The following RFTN1 variants were observed in gnomAD, a reference collection of about 807,000 sequenced individuals.
RFTN1 encodes the protein raftlin, lipid raft linker 1, also known as raftlin.
A neutral mutation model predicts 46.5 loss-of-function variants in RFTN1; 26 were observed. The observed-to-expected ratio is 0.56, with a 90% CI of 0.41 to 0.78. RFTN1 has a LOEUF of 0.78. Ranked by LOEUF, RFTN1 falls within the 30% of genes least tolerant of loss-of-function variation. The pLI, the probability that RFTN1 is intolerant of heterozygous loss-of-function variation, is 0.00. For synonymous variants in RFTN1, 261 were observed against 284.2 expected, an observed-to-expected ratio of 0.92 and a Z score of 0.82; for missense variants, 693 against 718.7, an observed-to-expected ratio of 0.96 and a Z score of 0.41.
rs760752422 is a variant in RFTN1, at chr3:16,412,151, T to C, written c.333-2668A>G. Among the ~76,000 whole-genome samples, 6 of 152,094 alleles carry C rather than the reference T, an allele frequency of 3.9e-5. No homozygotes were observed. The South Asian group carries it at 6.2e-4, about 16-fold the overall frequency. On this transcript the variant is annotated intron_variant, in intron 3 of 9. Coordinates refer to ENST00000334133, the MANE Select transcript of RFTN1 (RefSeq NM_015150.2). ...AATTTTTTAGATGAACCATGGAAAA[T>C]TACATCTCAGCCTATGGTTTCTTGG...
intron 2 of RFTN1, among the ~76,000 whole-genome samples, chr3:16,485,489 C>T (rs1372006420): frequency 6.6e-6 from 1 of 152,156 alleles, no homozygotes; most frequent in Non-Finnish European, 1.5e-5. Flanking sequence ...TCCATACATA[C>T]AACAGCACAG....
rs1475899986 is a variant in RFTN1 at position 16,500,614 on chromosome 3, C to T, written c.-8-6737G>A. Among the ~76,000 whole-genome samples, 1 of 152,150 alleles carries T rather than the reference C, an allele frequency of 6.6e-6. No homozygotes were observed. Among genetic ancestry groups the T allele is most frequent in the African/African-American group, 2.4e-5 (1 of 41,432 alleles). ...CGAACTGCAAGAAGAAGATGACAGA[C>T]ATTGCAAATGATCTGGAAACAAAGA... is the stretch of plus-strand genomic sequence containing the variant. On this transcript the variant is annotated intron_variant, in intron 1 of 9. Coordinates refer to ENST00000334133, the MANE Select transcript of RFTN1 (RefSeq NM_015150.2). This position sits in a 1 kb window ranked among gnomAD's most constrained non-coding sequence, Gnocchi z 5.9.
rs912313599 is a variant in RFTN1 at position 16,341,403 on chromosome 3, A to G, written c.1147-14527T>C. ...TAATTGCTAAAACTTGGAAGCAACCAAGATGCCCTTCAGTAACTGACAGAG... is the reference window on the plus strand; with the variant it reads ...TAATTGCTAAAACTTGGAAGCAACCGAGATGCCCTTCAGTAACTGACAGAG... On this transcript the variant is annotated intron_variant, in intron 7 of 9. Transcript: ENST00000334133. This position sits in a 1 kb window ranked among gnomAD's most constrained non-coding sequence, Gnocchi z 4.7. 2.0e-5 allele frequency among the ~76,000 whole-genome samples: 3 copies of G among 152,250 alleles called. No individual in the cohort carries two copies. The highest frequency in any genetic ancestry group is 7.2e-5 in the African/African-American group (3 of 41,460).
chr3:16,387,191 A>G lies in RFTN1; in HGVS notation c.442-9089T>C, dbSNP rs1036421387. 6.6e-6 allele frequency among the ~76,000 whole-genome samples: 1 copy of G among 152,098 alleles called. No individual in the cohort carries two copies. The highest frequency in any genetic ancestry group is 2.4e-5 in the African/African-American group (1 of 41,398). ...TTTCTCTGTCTGACACATCCCACAA[A>G]TGTCGCATCCATCCAGTCCACCCAG... On this transcript the variant is annotated intron_variant, in intron 4 of 9. Coordinates refer to ENST00000334133, the MANE Select transcript of RFTN1 (RefSeq NM_015150.2). The surrounding 1 kb of genome is among the most constrained non-coding windows in gnomAD (Gnocchi z 5.2).
chr3:16,318,021 C>T (rs9817725), intron 9 of RFTN1, among the ~76,000 whole-genome samples: 35,816 of 152,114 alleles, frequency 0.24, 5,903 homozygotes, highest in African/African-American at 0.48. Flanking sequence ...TCTCAGAGGC[C>T]GCTTCCCGGG....
rs2076815080 is a variant in RFTN1 at position 16,506,828 on chromosome 3, A to G, written c.-9+6614T>C. Among the ~76,000 whole-genome samples, 1 of 152,174 alleles carries G rather than the reference A, an allele frequency of 6.6e-6. No individual in the cohort carries two copies. Among genetic ancestry groups the G allele is most frequent in the Non-Finnish European group, 1.5e-5 (1 of 68,030 alleles). ...TTCATCCCCAACAGCAGCTATTCCA[A>G]TGCCCTGCCCATAACAGATGCACAA... On this transcript the variant is annotated intron_variant, in intron 1 of 9. Coordinates refer to ENST00000334133, the MANE Select transcript of RFTN1 (RefSeq NM_015150.2). This position sits in a 1 kb window ranked among gnomAD's most constrained non-coding sequence, Gnocchi z 4.8.
chr3:16,340,071 T>C (rs1050213480), intron 7 of RFTN1, among the ~76,000 whole-genome samples: 4 of 152,258 alleles, frequency 2.6e-5, no homozygotes, highest in African/African-American at 9.6e-5. Context: ...GACACAGTCA[T>C]GTACTGGCCA....
chr3:16,479,124 G>A lies in RFTN1; in HGVS notation c.145+14601C>T, dbSNP rs191760360. Among the ~76,000 whole-genome samples the A allele has an allele frequency of 2.5e-3, 374 of 152,142 alleles. 2 individuals are homozygous for A. The highest frequency in any genetic ancestry group is 8.6e-3 in the African/African-American group (357 of 41,498). Reference sequence around the variant, plus strand: ...TTGAGTTAAAGTTGCTTTTTCATTAGGTAACTTGGCTCCCAAACCCAAGCA... The same window carrying A: ...TTGAGTTAAAGTTGCTTTTTCATTAAGTAACTTGGCTCCCAAACCCAAGCA... On this transcript the variant is annotated intron_variant, in intron 2 of 9. Transcript: ENST00000334133. This position sits in a 1 kb window ranked among gnomAD's most constrained non-coding sequence, Gnocchi z 5.1.
At position 16,382,702 on chromosome 3, in the gene RFTN1, G is replaced by A. The variant is rs761725104; in HGVS notation, c.442-4600C>T. ...CTGGAATCACAGTATCTTCTTCCCT[G>A]TTTCTAATCCTGTGTGTCTGTTCAC... On this transcript the variant is annotated intron_variant, in intron 4 of 9. Coordinates refer to ENST00000334133, the MANE Select transcript of RFTN1 (RefSeq NM_015150.2). This position sits in a 1 kb window ranked among gnomAD's most constrained non-coding sequence, Gnocchi z 4.7. Among the ~76,000 whole-genome samples the A allele has an allele frequency of 3.3e-5, 5 of 152,140 alleles. No individual in the cohort carries two copies. Among genetic ancestry groups the A allele is most frequent in the Non-Finnish European group, 7.3e-5 (5 of 68,028 alleles).
At chr3:16,397,460 T>C (rs185496081) in intron 4 of RFTN1, among the ~76,000 whole-genome samples, 2 of 152,298 alleles carry the variant, frequency 1.3e-5, no homozygotes, top group Non-Finnish European at 2.9e-5. Context: ...TTTTATTGTA[T>C]ACTGGAAATT....
rs2069722557 is a variant in RFTN1, at chr3:16,326,632, G to C, written c.1250+141C>G. On this transcript the variant is annotated intron_variant, in intron 8 of 9. Coordinates refer to ENST00000334133, the MANE Select transcript of RFTN1 (RefSeq NM_015150.2). ...AAGAATGTGAAATTCTGGCTCTGCTGCTTCCCAGTGGGAGAGTTTACATAA... is the reference window on the plus strand; with the variant it reads ...AAGAATGTGAAATTCTGGCTCTGCTCCTTCCCAGTGGGAGAGTTTACATAA... 1.9e-5 allele frequency: 12 copies of C among 645,810 alleles called. No individual in the cohort carries two copies. The South Asian group carries it at 2.3e-4, about 13-fold the overall frequency. 40.0% of individuals were successfully genotyped at this position (645,810 alleles called of 1,614,324 possible). A position where few individuals can be genotyped will look rare whatever the true frequency, so the allele number is the denominator to read the frequency against.
chr3:16,399,124 TACATAAAA>T (rs2074543040), intron 4 of RFTN1, among the ~76,000 whole-genome samples: 2 of 152,194 alleles, frequency 1.3e-5, no homozygotes, highest in Non-Finnish European at 2.9e-5. Flanking sequence ...TGCTAAAAAT[TACATAAAA>T]TTTTAATGCT....
chr3:16,408,299 G>A (rs146350639), intron 4 of RFTN1, among the ~76,000 whole-genome samples: 12 of 152,124 alleles, frequency 7.9e-5, no homozygotes, highest in African/African-American at 2.2e-4. Context: ...CCTCAGCCCC[G>A]GCCACTTCTG....
In RFTN1 at chr3:16,446,592, T is replaced by A. The variant is rs1247411785; in HGVS notation, c.146-12555A>T. On this transcript the variant is annotated intron_variant, in intron 2 of 9. Coordinates refer to ENST00000334133, the MANE Select transcript of RFTN1 (RefSeq NM_015150.2). This position sits in a 1 kb window ranked among gnomAD's most constrained non-coding sequence, Gnocchi z 4.5. Reference sequence around the variant, plus strand: ...AACATGCCACTGGGAAAATCAAAGGTTGATATGACAACAAAAGCAAAGGAA... The same window carrying A: ...AACATGCCACTGGGAAAATCAAAGGATGATATGACAACAAAAGCAAAGGAA... 6.6e-6 allele frequency among the ~76,000 whole-genome samples: 1 copy of A among 152,048 alleles called. No individual in the cohort carries two copies. The highest frequency in any genetic ancestry group is 1.5e-5 in the Non-Finnish European group (1 of 68,014).
In RFTN1 at chr3:16,436,950, C is replaced by T. The variant is rs76573669; in HGVS notation, c.146-2913G>A. On this transcript the variant is annotated intron_variant, in intron 2 of 9. Transcript: ENST00000334133. ...AGCTCAGTAAATTCCCCTTGCTCCA[C>T]TAAAAAAGTCTGTGGGTATTTTTAT... Among the ~76,000 whole-genome samples the T allele has an allele frequency of 2.4e-3, 368 of 152,300 alleles. 2 individuals carry two copies. Among genetic ancestry groups the T allele is most frequent in the African/African-American group, 8.3e-3 (343 of 41,560 alleles).
In RFTN1 at chr3:16,427,900, C is replaced by A. The variant is rs1338229541; in HGVS notation, c.332+5951G>T. ...ATTCCAGTCTACCCATCATGCCCAACCTAGAGCAAATGACAGCCGCAGAGC... is the reference window on the plus strand; with the variant it reads ...ATTCCAGTCTACCCATCATGCCCAAACTAGAGCAAATGACAGCCGCAGAGC... On this transcript the variant is annotated intron_variant, in intron 3 of 9. Transcript: ENST00000334133. This position sits in a 1 kb window ranked among gnomAD's most constrained non-coding sequence, Gnocchi z 5.4. 1.3e-5 allele frequency among the ~76,000 whole-genome samples: 2 copies of A among 152,164 alleles called. No homozygotes were observed. Among genetic ancestry groups the A allele is most frequent in the East Asian group, 1.9e-4 (1 of 5,196 alleles).
chr3:16,464,404 T>C (rs562411777), intron 2 of RFTN1, among the ~76,000 whole-genome samples: 1 of 152,324 alleles, frequency 6.6e-6, no homozygotes, highest in African/African-American at 2.4e-5. Flanking sequence ...TTTCAACACT[T>C]CCCAGATTTA....
chr3:16,468,296 C>A lies in RFTN1; in HGVS notation c.145+25429G>T, dbSNP rs972171681. Among the ~76,000 whole-genome samples the A allele has an allele frequency of 6.6e-6, 1 of 152,192 alleles. No homozygotes were observed. Among genetic ancestry groups the A allele is most frequent in the African/African-American group, 2.4e-5 (1 of 41,450 alleles). On this transcript the variant is annotated intron_variant, in intron 2 of 9. Transcript: ENST00000334133. The surrounding 1 kb of genome is among the most constrained non-coding windows in gnomAD (Gnocchi z 4.4). ...TTATCTGTAGGAGTTCCCAAACCCT[C>A]ACTGTCGTTCGTTTTTGAAGTACCT... is the stretch of plus-strand genomic sequence containing the variant.
Position 16,410,171 on chromosome 3 carries a change from T to C in RFTN1, c.333-688A>G, listed in dbSNP as rs73043121. Among the ~76,000 whole-genome samples, 5,523 of 149,550 alleles carry C rather than the reference T, an allele frequency of 0.037. 140 individuals carry two copies. Among genetic ancestry groups the C allele is most frequent in the Middle Eastern group, 0.077 (22 of 286 alleles). ...ATGTAGCATCATGTAAAACACATCA[T>C]TATAGAATGATGGGTTTGGTACAAT... On this transcript the variant is annotated intron_variant, in intron 3 of 9. Transcript: ENST00000334133. This position sits in a 1 kb window ranked among gnomAD's most constrained non-coding sequence, Gnocchi z 4.6.
Sources: gnomAD v4.1 joint callset for allele counts (sites outside exome capture counted in the v4.1 genomes callset) on GRCh38, gnomAD v4.1.1 for gene constraint, Gnocchi (gnomAD v3.1) non-coding constraint, MANE v1.5 for transcripts, NCBI Gene and HGNC (gene_info 2026-07-23, HGNC 2026-07-21) for gene names.